SLC39A9: variants seen among roughly 807,000 people sequenced by gnomAD.
SLC39A9 encodes the protein solute carrier family 39 member 9.
SLC39A9 carries 14 observed loss-of-function variants against 28.4 expected under a neutral mutation model. That is an observed-to-expected ratio of 0.49 (90% CI 0.33 to 0.77). The LOEUF is 0.77. SLC39A9 is among the 30% of genes least tolerant of loss of function. The probability of loss-of-function intolerance (pLI) is 0.02; values close to 1 mark genes in which losing one functional copy is unlikely to be tolerated. For missense variants in SLC39A9, 283 were observed against 381.1 expected (o/e 0.74, Z 2.14); for synonymous variants, 119 against 149.6 (o/e 0.80, Z 1.49).
In SLC39A9 at chr14:69,461,281, T is replaced by G; in HGVS notation, c.*2688T>G. 1.0e-6 allele frequency: 1 copy of G among 995,586 alleles called. No individual in the cohort carries two copies. The highest frequency in any genetic ancestry group is 1.7e-5 in the African/African-American group (1 of 57,676). The allele number at this position is 995,586 out of a possible 1,614,324, so 61.7% of individuals were successfully genotyped here. On this transcript the variant is annotated 3_prime_UTR_variant, in exon 7 of 7. Coordinates refer to ENST00000336643, the MANE Select transcript of SLC39A9 (RefSeq NM_018375.5). ...TTCAGATTCCAAGTGCTCTCTTAAA[T>G]GGCAAATTAAGTTAAAGAATACTAC...
intron 2 of SLC39A9, among the ~76,000 whole-genome samples, chr14:69,438,785 T>C (rs1339287919): frequency 6.6e-6 from 1 of 152,230 alleles, no homozygotes; most frequent in African/African-American, 2.4e-5. Context: ...ACTGCTATTG[T>C]CAGCCATGGC....
chr14:69,427,054 G>A lies in SLC39A9; in HGVS notation c.205+2852G>A, dbSNP rs371778755. Reference sequence around the variant, plus strand: ...GACAGGGACTCACTCTGTCTCCCACGCTGGAGTGCAGTGGTGTGATCACTG... The same window carrying A: ...GACAGGGACTCACTCTGTCTCCCACACTGGAGTGCAGTGGTGTGATCACTG... On this transcript the variant is annotated intron_variant, in intron 2 of 6. Transcript: ENST00000336643. Among the ~76,000 whole-genome samples the A allele has an allele frequency of 4.2e-4, 61 of 143,842 alleles. 3 individuals are homozygous for A. Among genetic ancestry groups the A allele is most frequent in the East Asian group, 2.6e-3 (13 of 4,936 alleles). The allele number at this position is 143,842 out of a possible 152,430, so 94.4% of individuals were successfully genotyped here. A position where few individuals can be genotyped will look rare whatever the true frequency, so the allele number is the denominator to read the frequency against.
chr14:69,444,330 G>A (rs1317072368), intron 3 of SLC39A9, among the ~76,000 whole-genome samples: 1 of 152,064 alleles, frequency 6.6e-6, no homozygotes, highest in Non-Finnish European at 1.5e-5. Context: ...AGAATCTTTG[G>A]TCGACAGAAA....
At chr14:69,417,044 C>A (rs920918529) in intron 1 of SLC39A9, among the ~76,000 whole-genome samples, 1 of 152,154 alleles carries the variant, frequency 6.6e-6, no homozygotes, top group Non-Finnish European at 1.5e-5. Context: ...GAAGTCCTTG[C>A]CCATGCCTAT....
At chr14:69,402,702 G>A (rs562414314) in intron 1 of SLC39A9, among the ~76,000 whole-genome samples, 7 of 152,124 alleles carry the variant, frequency 4.6e-5, no homozygotes, top group Admixed American at 1.3e-4. Context: ...AAAAAAATCC[G>A]ATTCTCAAAT....
intron 1 of SLC39A9, among the ~76,000 whole-genome samples, chr14:69,420,337 C>G (rs903316612): frequency 1.3e-5 from 2 of 152,208 alleles, no homozygotes; most frequent in Admixed American, 6.5e-5. Flanking sequence ...CCACTCTCTT[C>G]TGGCTTGTAG....
Position 69,425,661 on chromosome 14 carries a change from G to T in SLC39A9, c.205+1459G>T, listed in dbSNP as rs552480432. Among the ~76,000 whole-genome samples, 674 of 145,736 alleles carry T rather than the reference G, an allele frequency of 4.6e-3. 5 individuals carry two copies. Among genetic ancestry groups the T allele is most frequent in the Non-Finnish European group, 5.4e-3 (358 of 65,812 alleles). On this transcript the variant is annotated intron_variant, in intron 2 of 6. Transcript: ENST00000336643. ...TTTCAGGTATAGTTGGGGGTTTTGG[G>T]TTTTTTTTTTTATTTGTTTGTTTTG...
intron 1 of SLC39A9, among the ~76,000 whole-genome samples, chr14:69,415,016 A>G (rs1314486119): frequency 3.3e-5 from 5 of 152,244 alleles, no homozygotes; most frequent in African/African-American, 1.2e-4. Flanking sequence ...ACCAAGTGGT[A>G]TTCCATTGTT....
At chr14:69,400,823 A>G (rs1466403980) in intron 1 of SLC39A9, among the ~76,000 whole-genome samples, 3 of 152,238 alleles carry the variant, frequency 2.0e-5, no homozygotes, top group South Asian at 4.2e-4. Context: ...ATCTAATGAT[A>G]GCATTTTAAA....
chr14:69,440,354 T>C (rs1475483858), intron 2 of SLC39A9, among the ~76,000 whole-genome samples: 2 of 151,946 alleles, frequency 1.3e-5, no homozygotes, highest in Non-Finnish European at 2.9e-5. Flanking sequence ...GAGGTCAAGG[T>C]GGGCGGATCA....
At chr14:69,443,806 C>T (rs1885161060) in intron 3 of SLC39A9, among the ~76,000 whole-genome samples, 1 of 152,076 alleles carries the variant, frequency 6.6e-6, no homozygotes, top group Non-Finnish European at 1.5e-5. Context: ...GAGGTTGAGG[C>T]TGCAGTGAGC....
At chr14:69,433,425 T>C (rs1371042765) in intron 2 of SLC39A9, among the ~76,000 whole-genome samples, 1 of 152,212 alleles carries the variant, frequency 6.6e-6, no homozygotes, top group Non-Finnish European at 1.5e-5. Flanking sequence ...ATGTATGGTT[T>C]TATCAGGGTA....
chr14:69,431,615 A>T (rs2140283975), intron 2 of SLC39A9, among the ~76,000 whole-genome samples: 1 of 148,756 alleles, frequency 6.7e-6, no homozygotes, highest in East Asian at 2.0e-4. Context: ...CAGGTTTGTT[A>T]CCTGGGTCTA....
intron 4 of SLC39A9, 29 bp downstream of exon 4, chr14:69,453,338 T>G (rs1314204039): frequency 1.2e-6 from 2 of 1,603,068 alleles, no homozygotes; most frequent in Non-Finnish European, 1.7e-6. Flanking sequence ...GGAACTTCTT[T>G]GTTTTCTATC....
chr14:69,450,103 C>T (rs1363665489), intron 3 of SLC39A9, among the ~76,000 whole-genome samples: 12 of 151,982 alleles, frequency 7.9e-5, no homozygotes, highest in Admixed American at 7.2e-4. Context: ...CAACAAGAAT[C>T]GCTTGAACCT....
At chr14:69,414,882 A>G (rs1479941931) in intron 1 of SLC39A9, among the ~76,000 whole-genome samples, 1 of 152,200 alleles carries the variant, frequency 6.6e-6, no homozygotes, top group Admixed American at 6.5e-5. Context: ...TAAACTTCAT[A>G]TACATTTATT....
At chr14:69,426,699 G>C (rs1262568028) in intron 2 of SLC39A9, among the ~76,000 whole-genome samples, 3 of 150,252 alleles carry the variant, frequency 2.0e-5, no homozygotes, top group Admixed American at 2.0e-4. Flanking sequence ...CTGCCTTGGG[G>C]CAGGTGAAAA....
intron 3 of SLC39A9, among the ~76,000 whole-genome samples, chr14:69,448,649 A>G (rs1363254692): frequency 1.3e-5 from 2 of 152,254 alleles, no homozygotes; most frequent in East Asian, 3.8e-4. Context: ...AGTTACAAGT[A>G]AGTGAAATGT....
intron 1 of SLC39A9, among the ~76,000 whole-genome samples, chr14:69,423,432 T>C (rs892860802): frequency 4.6e-5 from 7 of 152,196 alleles, no homozygotes; most frequent in African/African-American, 1.7e-4. Flanking sequence ...TTTCTAGAAG[T>C]AAAATTTCTG....
Sources: gnomAD v4.1 joint callset for allele counts (sites outside exome capture counted in the v4.1 genomes callset) on GRCh38, gnomAD v4.1.1 for gene constraint, MANE v1.5 for transcripts, NCBI Gene and HGNC (gene_info 2026-07-23, HGNC 2026-07-21) for gene names.